KCNN2: variants seen among roughly 807,000 people sequenced by gnomAD.
KCNN2 encodes the protein potassium calcium-activated channel subfamily N member 2.
In KCNN2, 24 loss-of-function variants were observed where a neutral mutation model predicts 55.5. The observed-to-expected ratio is 0.43, with a 90% CI of 0.31 to 0.61. The LOEUF is 0.61. Among genes scored for constraint, KCNN2 ranks in the 20% least tolerant of loss-of-function variants. The probability of loss-of-function intolerance (pLI) is 0.08; values close to 1 mark genes in which losing one functional copy is unlikely to be tolerated. For missense variants in KCNN2, 754 were observed against 853.6 expected, an observed-to-expected ratio of 0.88 and a Z score of 1.45; for synonymous variants, 431 against 336.1, an observed-to-expected ratio of 1.28 and a Z score of -3.09.
intron 1 of KCNN2, among the ~76,000 whole-genome samples, chr5:114,179,256 A>G (rs1488836501): frequency 6.6e-6 from 1 of 152,216 alleles, no homozygotes; most frequent in African/African-American, 2.4e-5. Context: ...TTACAGAGCT[A>G]CAAAATTTAT....
chr5:114,087,707 T>G (rs1289156037), intron 1 of KCNN2, among the ~76,000 whole-genome samples: 3 of 152,160 alleles, frequency 2.0e-5, no homozygotes, highest in Non-Finnish European at 1.5e-5. Context: ...TTTTCTTGAC[T>G]TCATTTGGAT....
chr5:114,232,590 C>G (rs1378626073), intron 2 of KCNN2, among the ~76,000 whole-genome samples: 1 of 150,972 alleles, frequency 6.6e-6, no homozygotes, highest in African/African-American at 2.5e-5. Flanking sequence ...CAGGCTTAAC[C>G]AAAAGTTTTT....
At chr5:114,168,580 A>C (rs1752967124) in intron 1 of KCNN2, among the ~76,000 whole-genome samples, 1 of 152,030 alleles carries the variant, frequency 6.6e-6, no homozygotes, top group Admixed American at 6.6e-5. Context: ...AAATATTTAT[A>C]GTTTTTATTT....
intron 5 of KCNN2, among the ~76,000 whole-genome samples, chr5:114,485,947 A>ATGAT (rs1287365454): frequency 6.6e-6 from 1 of 152,170 alleles, no homozygotes; most frequent in African/African-American, 2.4e-5. Context: ...TGTAAATCTA[A>ATGAT]TGATTGAGAG....
intron 3 of KCNN2, among the ~76,000 whole-genome samples, chr5:114,441,029 G>A (rs1414054986): frequency 6.6e-6 from 1 of 152,064 alleles, no homozygotes; most frequent in Non-Finnish European, 1.5e-5. Context: ...ACCAAAATGA[G>A]TTTAGTGTCA....
chr5:114,077,176 C>T (rs1750700563), intron 1 of KCNN2, among the ~76,000 whole-genome samples: 1 of 152,206 alleles, frequency 6.6e-6, no homozygotes, highest in South Asian at 2.1e-4. Context: ...GCAGGCTCTG[C>T]AACGTTTGGA....
chr5:114,417,050 G>A lies in KCNN2; in HGVS notation c.1637+12194G>A, dbSNP rs554016420. On this transcript the variant is annotated intron_variant, in intron 3 of 7. Transcript: ENST00000673685. ...GCATATGTGGAGAATCATCCTAAAT[G>A]CCCATTTGGTATTATTTGGAATAAT... Among the ~76,000 whole-genome samples the A allele has an allele frequency of 2.6e-5, 4 of 152,322 alleles. No individual in the cohort carries two copies. In the East Asian group the frequency reaches 7.7e-4, roughly 29 times the overall value.
At chr5:114,251,702 C>G (rs12659187) in intron 2 of KCNN2, among the ~76,000 whole-genome samples, 20,001 of 151,208 alleles carry the variant, frequency 0.13, 1,733 homozygotes, top group East Asian at 0.51. Context: ...TGCATCTTCT[C>G]ACAATTACAT....
chr5:114,363,905 G>A lies in KCNN2; in HGVS notation c.1123-1G>A. ...AGTGCTTCTGTCTGACTGTGTTGCA[G>A]GCGTCGCTGTATTCCTTAGCTCTGA... On this transcript the variant is annotated splice_acceptor_variant, in intron 1 of 7. Transcript: ENST00000673685. LOFTEE classifies it high-confidence loss of function. 1 of 1,612,332 alleles carries A rather than the reference G, an allele frequency of 6.2e-7. No homozygotes were observed. The highest frequency in any genetic ancestry group is 8.5e-7 in the Non-Finnish European group (1 of 1,178,428).
At chr5:114,258,519 A>G (rs1331399144) in intron 2 of KCNN2, among the ~76,000 whole-genome samples, 1 of 151,302 alleles carries the variant, frequency 6.6e-6, no homozygotes, top group Non-Finnish European at 1.5e-5. Context: ...CAGTCTCACT[A>G]CTCATTGTTG....
intron 1 of KCNN2, among the ~76,000 whole-genome samples, chr5:114,108,499 C>T (rs1478071224): frequency 6.6e-6 from 1 of 152,036 alleles, no homozygotes; most frequent in East Asian, 1.9e-4. Context: ...ATTTTCATTA[C>T]TAAGAAATTC....
At chr5:114,080,353 T>C (rs896713323) in intron 1 of KCNN2, among the ~76,000 whole-genome samples, 3 of 152,212 alleles carry the variant, frequency 2.0e-5, no homozygotes, top group Non-Finnish European at 4.4e-5. Flanking sequence ...CTCATCCATG[T>C]TCTGAAAGAA....
intron 2 of KCNN2, among the ~76,000 whole-genome samples, chr5:114,288,766 C>A (rs564943234): frequency 1.3e-5 from 2 of 152,080 alleles, no homozygotes; most frequent in South Asian, 4.1e-4. Context: ...AGAATAAACC[C>A]TTGTTAGATA....
intron 2 of KCNN2, among the ~76,000 whole-genome samples, chr5:114,245,340 A>G (rs1754728483): frequency 6.6e-6 from 1 of 152,218 alleles, no homozygotes; most frequent in South Asian, 2.1e-4. Flanking sequence ...TAAACGTGAT[A>G]TCTCTTCATG....
chr5:114,189,641 A>T (rs752338751), intron 1 of KCNN2, among the ~76,000 whole-genome samples: 1 of 152,206 alleles, frequency 6.6e-6, no homozygotes, highest in East Asian at 1.9e-4. Context: ...GCACTATTCC[A>T]AGCACTTTGT....
chr5:114,476,408 T>C (rs915288905), intron 5 of KCNN2, among the ~76,000 whole-genome samples: 2 of 152,004 alleles, frequency 1.3e-5, no homozygotes, highest in African/African-American at 2.4e-5. Context: ...CTGAGAAATA[T>C]ACTCTAGTAG....
At chr5:114,274,000 T>C (rs559689359) in intron 2 of KCNN2, among the ~76,000 whole-genome samples, 1 of 152,232 alleles carries the variant, frequency 6.6e-6, no homozygotes, top group Non-Finnish European at 1.5e-5. Context: ...TTAATCCATC[T>C]TGAGTTAATT....
chr5:114,210,722 A>T (rs4705637), intron 1 of KCNN2, among the ~76,000 whole-genome samples: 105,465 of 152,022 alleles, frequency 0.69, 36,827 homozygotes, highest in East Asian at 0.87. Context: ...ATTAACGACG[A>T]TAGGAAGCAC....
chr5:114,479,227 A>AT (rs1324761994), intron 5 of KCNN2, among the ~76,000 whole-genome samples: 1 of 5,784 alleles, frequency 1.7e-4, no homozygotes, highest in Admixed American at 3.2e-3. Flanking sequence ...TGAAAACTAT[A>AT]AAAAAAAAAA....
Sources: allele counts gnomAD v4.1 joint callset (sites outside exome capture counted in the v4.1 genomes callset), GRCh38; gene constraint gnomAD v4.1.1; transcripts MANE v1.5; gene names NCBI Gene and HGNC (gene_info 2026-07-23, HGNC 2026-07-21).